ZHX3: variants seen among roughly 807,000 people sequenced by gnomAD.
ZHX3 encodes zinc fingers and homeoboxes 3, also known as zinc fingers and homeoboxes protein 3.
ZHX3 carries 20 observed loss-of-function variants against 64.5 expected under a neutral mutation model. The observed-to-expected ratio is 0.31, with a 90% CI of 0.22 to 0.45. The LOEUF is 0.45. Among genes scored for constraint, ZHX3 ranks in the 20% least tolerant of loss-of-function variants. ZHX3 has a pLI of 1.00. For missense variants in ZHX3, 1,041 were observed against 1,195.8 expected, an observed-to-expected ratio of 0.87 and a Z score of 1.91; for synonymous variants, 423 against 461.6, an observed-to-expected ratio of 0.92 and a Z score of 1.07.
chr20:41,231,470 G>A (rs1329194696), intron 2 of ZHX3, among the ~76,000 whole-genome samples: 1 of 152,156 alleles, frequency 6.6e-6, no homozygotes, highest in African/African-American at 2.4e-5. Context: ...ACTAATTCAT[G>A]CTCAGACCCA....
At chr20:41,221,687 T>G (rs966590834) in intron 2 of ZHX3, among the ~76,000 whole-genome samples, 1 of 152,098 alleles carries the variant, frequency 6.6e-6, no homozygotes, top group Non-Finnish European at 1.5e-5. Flanking sequence ...GACTGCAATT[T>G]AGATATACAG....
intron 1 of ZHX3, among the ~76,000 whole-genome samples, chr20:41,309,667 C>G (rs1164197354): frequency 6.6e-6 from 1 of 152,192 alleles, no homozygotes; most frequent in Non-Finnish European, 1.5e-5. Flanking sequence ...ATCCCCTGAT[C>G]CTTTCAGATT....
chr20:41,291,820 T>C (rs1017482005), intron 1 of ZHX3, among the ~76,000 whole-genome samples: 1 of 151,896 alleles, frequency 6.6e-6, no homozygotes, highest in African/African-American at 2.4e-5. Context: ...GACTGAGTAT[T>C]AGATGATATT....
intron 2 of ZHX3, among the ~76,000 whole-genome samples, chr20:41,266,840 C>T (rs556491721): frequency 5.0e-4 from 70 of 140,246 alleles, no homozygotes; most frequent in African/African-American, 1.7e-3. Flanking sequence ...CCACCGTGCC[C>T]GGCCTTTTTT....
intron 2 of ZHX3, among the ~76,000 whole-genome samples, chr20:41,243,926 G>A (rs2041538249): frequency 1.3e-5 from 2 of 152,054 alleles, no homozygotes; most frequent in South Asian, 2.1e-4. Flanking sequence ...ATGCTTTTGA[G>A]GTTAACAGAA....
chr20:41,271,137 C>G (rs2043128015), intron 1 of ZHX3, among the ~76,000 whole-genome samples: 2 of 152,350 alleles, frequency 1.3e-5, no homozygotes, highest in African/African-American at 4.8e-5. Context: ...TCTCCTGCCT[C>G]AGCCTCCTGA....
chr20:41,218,093 T>C (rs1417696886), intron 2 of ZHX3, among the ~76,000 whole-genome samples: 1 of 152,100 alleles, frequency 6.6e-6, no homozygotes, highest in Non-Finnish European at 1.5e-5. Context: ...GTGAGAGCTA[T>C]GGTTCCGTCA....
At chr20:41,217,405 C>T (rs1258958255) in intron 2 of ZHX3, among the ~76,000 whole-genome samples, 3 of 151,486 alleles carry the variant, frequency 2.0e-5, no homozygotes, top group Non-Finnish European at 1.5e-5. Context: ...TTGACATTTT[C>T]ATAATTAAAA....
At position 41,269,807 on chromosome 20, in the gene ZHX3, A is replaced by G. The variant is rs74830694; in HGVS notation, c.-244-724T>C. Among the ~76,000 whole-genome samples the G allele has an allele frequency of 3.2e-3, 489 of 152,066 alleles. 2 individuals are homozygous for G. The highest frequency in any genetic ancestry group is 0.011 in the African/African-American group (452 of 41,470). The stretch of plus-strand genomic sequence containing the variant: ...CTTCCAACAGACGTGTAGGCATTGT[A>G]CACTAGACTCTAGTGTATCATGACT... On this transcript the variant is annotated intron_variant, in intron 1 of 3. Transcript: ENST00000683867.
intron 3 of ZHX3, among the ~76,000 whole-genome samples, chr20:41,199,702 CT>C (rs34316877): frequency 3.9e-3 from 531 of 136,610 alleles, no homozygotes; most frequent in South Asian, 4.3e-3. Context: ...TCAAAAAACT[CT>C]TTTTTTTTTT....
At chr20:41,235,981 A>G (rs1023504513) in intron 2 of ZHX3, among the ~76,000 whole-genome samples, 63 of 152,204 alleles carry the variant, frequency 4.1e-4, no homozygotes, top group African/African-American at 1.4e-3. Flanking sequence ...CCAATAACAG[A>G]CAAACAGAGA....
At chr20:41,314,059 G>GT (rs1351514849) in intron 1 of ZHX3, among the ~76,000 whole-genome samples, 1 of 152,050 alleles carries the variant, frequency 6.6e-6, no homozygotes, top group Non-Finnish European at 1.5e-5. Flanking sequence ...AGAAGCAACT[G>GT]TTTTTTTCCA....
Position 41,204,548 on chromosome 20 carries a change from C to A in ZHX3, c.369G>T (p.Gly123=), listed in dbSNP as rs780889861. ...GACATGTGGCATTGTGCAAGGAAAG[C>A]CCCTCAGGGGTTTTTGCCAGAAAAC... The part of the protein sequence containing the change: ...GCSFLAKTPE[G]LSLHNATCHS... The change falls in exon 3 of 4, where the codon GGG becomes GGT. Residue 123 remains glycine, a synonymous_variant. Coordinates refer to ENST00000683867, the MANE Select transcript of ZHX3 (RefSeq NM_001384317.1). The surrounding 1 kb of genome is among the most constrained non-coding windows in gnomAD (Gnocchi z 6.6). The A allele has an allele frequency of 3.1e-6, 5 of 1,614,208 alleles. No individual in the cohort carries two copies. The highest frequency in any genetic ancestry group is 4.2e-6 in the Non-Finnish European group (5 of 1,180,048).
intron 1 of ZHX3, among the ~76,000 whole-genome samples, chr20:41,294,057 G>A (rs1468590195): frequency 1.3e-5 from 2 of 152,080 alleles, no homozygotes; most frequent in Non-Finnish European, 2.9e-5. Flanking sequence ...GTAAAGAAGT[G>A]AATAGACAAA....
chr20:41,307,778 A>G (rs532272733), intron 1 of ZHX3, among the ~76,000 whole-genome samples: 2 of 152,218 alleles, frequency 1.3e-5, no homozygotes, highest in East Asian at 3.9e-4. Flanking sequence ...GCAACCTCCA[A>G]TCTCCTCTTG....
At chr20:41,292,496 T>C (rs1432735747) in intron 1 of ZHX3, among the ~76,000 whole-genome samples, 1 of 152,112 alleles carries the variant, frequency 6.6e-6, no homozygotes, top group Non-Finnish European at 1.5e-5. Flanking sequence ...GAAAAGCACC[T>C]CTCCCCTAAG....
Position 41,204,371 on chromosome 20 carries a change from G to C in ZHX3, c.546C>G (p.Thr182=), listed in dbSNP as rs201023587. 1 of 1,614,152 alleles carries C rather than the reference G, an allele frequency of 6.2e-7. No homozygotes were observed. Among genetic ancestry groups the C allele is most frequent in the South Asian group, 1.1e-5 (1 of 91,082 alleles). The part of the protein sequence containing the change: ...GADGQAEIII[T]KTPIMKIMKG... The stretch of plus-strand genomic sequence containing the variant: ...TCATTATCTTCATGATTGGAGTTTT[G>C]GTAATGATGATTTCTGCCTGTCCAT... The change falls in exon 3 of 4, where the codon ACC becomes ACG. Residue 182 remains threonine (T), a synonymous_variant. Transcript: ENST00000683867. This position sits in a 1 kb window ranked among gnomAD's most constrained non-coding sequence, Gnocchi z 6.6.
In ZHX3 at chr20:41,204,991, C is replaced by G; in HGVS notation, c.-75G>C. On this transcript the variant is annotated 5_prime_UTR_variant, in exon 3 of 4. Transcript: ENST00000683867. This position sits in a 1 kb window ranked among gnomAD's most constrained non-coding sequence, Gnocchi z 6.6. ...CCTAACAATACAAGTTCCAGCTTCTCGATGAGGGCCAAAGAAACAGTTTCT... is the reference window on the plus strand; with the variant it reads ...CCTAACAATACAAGTTCCAGCTTCTGGATGAGGGCCAAAGAAACAGTTTCT... 7.0e-7 allele frequency: 1 copy of G among 1,434,836 alleles called. No homozygotes were observed. Among genetic ancestry groups the G allele is most frequent in the Non-Finnish European group, 9.2e-7 (1 of 1,092,400 alleles). The allele number at this position is 1,434,836 out of a possible 1,614,324, so 88.9% of individuals were successfully genotyped here.
intron 3 of ZHX3, among the ~76,000 whole-genome samples, chr20:41,191,642 A>G (rs898388628): frequency 6.6e-6 from 1 of 151,808 alleles, no homozygotes; most frequent in Non-Finnish European, 1.5e-5. Flanking sequence ...AATTTTTTGC[A>G]TTTGCATTTG....
Sources: allele counts gnomAD v4.1 joint callset (sites outside exome capture counted in the v4.1 genomes callset), GRCh38; gene constraint gnomAD v4.1.1; non-coding constraint Gnocchi (gnomAD v3.1); transcripts MANE v1.5; gene names NCBI Gene and HGNC (gene_info 2026-07-23, HGNC 2026-07-21).